The following PPFIA3 variants were observed in gnomAD, a reference collection of about 807,000 sequenced individuals.
The protein encoded by PPFIA3 is liprin-alpha-3.
Under a neutral mutation model 145.8 loss-of-function variants are expected in PPFIA3, and 26 were observed. That is an observed-to-expected ratio of 0.18 (90% CI 0.13 to 0.25). PPFIA3 has a LOEUF of 0.25. PPFIA3 is among the 10% of genes least tolerant of loss of function. The pLI, the probability that PPFIA3 is intolerant of heterozygous loss-of-function variation, is 1.00. For synonymous variants in PPFIA3, 645 were observed against 661.4 expected (o/e 0.98, Z 0.38); for missense variants, 1,008 against 1,587.8 (o/e 0.63, Z 6.21).
chr19:49,135,726 C>A lies in PPFIA3; in HGVS notation c.1521-53C>A. The A allele has an allele frequency of 3.2e-6, 5 of 1,545,322 alleles. No individual in the cohort carries two copies. The Admixed American group carries it at 9.1e-5, about 28-fold the overall frequency. Reference sequence around the variant, plus strand: ...AGGTCTGTCTCTGTGACCCTTACCTCTGTGCTCTTTTCCTGACCCCTTGGT... The same window carrying A: ...AGGTCTGTCTCTGTGACCCTTACCTATGTGCTCTTTTCCTGACCCCTTGGT... On this transcript the variant is annotated intron_variant, in intron 13 of 29. Coordinates refer to ENST00000334186, the MANE Select transcript of PPFIA3 (RefSeq NM_003660.4).
chr19:49,136,314 AGGCC>A (rs2041136609), intron 14 of PPFIA3, among the ~76,000 whole-genome samples: 1 of 152,012 alleles, frequency 6.6e-6, no homozygotes, highest in South Asian at 2.1e-4. Flanking sequence ...AGGAAGTTGG[AGGCC>A]GGGCAGGGTG....
At chr19:49,135,062 GAC>G in intron 13 of PPFIA3, 147 bp downstream of exon 13, 1 of 594,730 alleles carries the variant, frequency 1.7e-6, no homozygotes, top group Admixed American at 3.5e-5. Flanking sequence ...TTTGTTTTGA[GAC>G]AGAGTCTCAC....
chr19:49,148,944 C>T (rs750243855), intron 25 of PPFIA3, 49 bp from the exon 26 acceptor site: 2 of 1,600,686 alleles, frequency 1.2e-6, no homozygotes, highest in East Asian at 2.2e-5. Context: ...CTAAACTGAA[C>T]TCTCCAGGCC....
rs2041316636 is a variant in PPFIA3, at chr19:49,149,392, C to CG, written c.3354+71dup. 1.3e-6 allele frequency: 2 copies of CG among 1,598,012 alleles called. No homozygotes were observed. Among genetic ancestry groups the CG allele is most frequent in the African/African-American group, 2.7e-5 (2 of 74,476 alleles). ...TCCTCGAGAGGCTGAGCTGAGGGGGCGGGGCCTGACTATTAATGGTCACGG... is the reference window on the plus strand; with the variant it reads ...TCCTCGAGAGGCTGAGCTGAGGGGGCGGGGGCCTGACTATTAATGGTCACGG... On this transcript the variant is annotated intron_variant, in intron 27 of 29. Transcript: ENST00000334186. The surrounding 1 kb of genome is among the most constrained non-coding windows in gnomAD (Gnocchi z 5.7).
chr19:49,150,406 C>T lies in PPFIA3; in HGVS notation c.*184C>T, dbSNP rs2041334735. 7.2e-6 allele frequency: 3 copies of T among 419,304 alleles called. No individual in the cohort carries two copies. Among genetic ancestry groups the T allele is most frequent in the Non-Finnish European group, 1.3e-5 (3 of 231,584 alleles). The allele number at this position is 419,304 out of a possible 1,614,324, so 26.0% of individuals were successfully genotyped here. On this transcript the variant is annotated 3_prime_UTR_variant, in exon 30 of 30. Transcript: ENST00000334186. ...GCCTCGCACAGGGCCGGGGCCTGGA[C>T]CAAACCACATGAACTGGACTGAGAG...
At chr19:49,122,375 C>A (rs1045450269) in intron 1 of PPFIA3, among the ~76,000 whole-genome samples, 1 of 152,220 alleles carries the variant, frequency 6.6e-6, no homozygotes, top group African/African-American at 2.4e-5. Context: ...AGCCACTGTG[C>A]ACAGCCTTTG....
rs765171358 is a variant in PPFIA3 at position 49,130,461 on chromosome 19, C to T, written c.741C>T (p.Ala247=). The T allele has an allele frequency of 6.2e-7, 1 of 1,608,736 alleles. No homozygotes were observed. Among genetic ancestry groups the T allele is most frequent in the Admixed American group, 1.7e-5 (1 of 59,320 alleles). ...ELEEALERQR[A]EVCQLRERLA... is the part of the protein sequence containing the mutation. ...AGGAGGCCCTGGAGCGGCAGCGCGC[C>T]GAGGTGTGCCAGCTGCGGGAGCGCC... is the stretch of plus-strand genomic sequence containing the variant. Residue 247 remains alanine, a synonymous_variant, in exon 7 of 30, where the codon GCC becomes GCT. Coordinates refer to ENST00000334186, the MANE Select transcript of PPFIA3 (RefSeq NM_003660.4). This position sits in a 1 kb window ranked among gnomAD's most constrained non-coding sequence, Gnocchi z 4.5.
intron 7 of PPFIA3, among the ~76,000 whole-genome samples, chr19:49,132,763 A>G (rs1375646143): frequency 2.0e-5 from 3 of 152,130 alleles, no homozygotes; most frequent in African/African-American, 7.2e-5. Context: ...GATCCTCTGA[A>G]CCTGGAGGAT....
In PPFIA3 at chr19:49,128,940, G is replaced by A. The variant is rs773674031; in HGVS notation, c.435G>A (p.Gly145=). The change falls in exon 4 of 30, where the codon GGG becomes GGA. Residue 145 remains glycine (G), a synonymous_variant. Transcript: ENST00000334186. The surrounding 1 kb of genome is among the most constrained non-coding windows in gnomAD (Gnocchi z 4.1). The part of the protein sequence containing the change: ...VVKRQAQSPG[G]VSSEVEVLKA... ...AGCGCCAGGCCCAGTCCCCGGGTGG[G>A]GTCTCCTCGGAGGTAGAAGTGCTCA... 19 of 1,613,810 alleles carry A rather than the reference G, an allele frequency of 1.2e-5. No homozygotes were observed. The highest frequency in any genetic ancestry group is 1.6e-4 in the Middle Eastern group (1 of 6,084).
intron 1 of PPFIA3, among the ~76,000 whole-genome samples, chr19:49,123,499 G>C (rs2040961648): frequency 6.6e-6 from 1 of 151,350 alleles, no homozygotes; most frequent in African/African-American, 2.4e-5. Flanking sequence ...AGAGTGCAGT[G>C]ACGCAATCCC....
intron 1 of PPFIA3, among the ~76,000 whole-genome samples, chr19:49,126,136 G>T (rs1478118275): frequency 6.6e-6 from 1 of 151,446 alleles, no homozygotes; most frequent in Non-Finnish European, 1.5e-5. Context: ...TTTTAGTAGA[G>T]ATGGGGTTTC....
At position 49,128,577 on chromosome 19, in the gene PPFIA3, C is replaced by A; in HGVS notation, c.342+109C>A. On this transcript the variant is annotated intron_variant, in intron 3 of 29. Coordinates refer to ENST00000334186, the MANE Select transcript of PPFIA3 (RefSeq NM_003660.4). This position sits in a 1 kb window ranked among gnomAD's most constrained non-coding sequence, Gnocchi z 4.1. ...CGTGACCTATTTTTTTCCCCCATCTCGCCTTTCTGTCTTCTCCTCTTCCCT... is the reference window on the plus strand; with the variant it reads ...CGTGACCTATTTTTTTCCCCCATCTAGCCTTTCTGTCTTCTCCTCTTCCCT... The A allele has an allele frequency of 9.5e-7, 1 of 1,054,328 alleles. No individual in the cohort carries two copies. The highest frequency in any genetic ancestry group is 1.4e-5 in the South Asian group (1 of 69,452). The allele number at this position is 1,054,328 out of a possible 1,614,324, so 65.3% of individuals were successfully genotyped here.
Position 49,135,035 on chromosome 19 carries a change from T to TTTTGTTTG in PPFIA3, c.1520+136_1520+143dup, listed in dbSNP as rs4002361. On this transcript the variant is annotated intron_variant, in intron 13 of 29. Transcript: ENST00000334186. ...GACTTCTGACCCCTCTGTTTTTGTT[T>TTTTGTTTG]TTTGTTTGTTTGTTTGTTTGTTTTG... is the stretch of plus-strand genomic sequence containing the variant. 131 of 691,090 alleles carry TTTTGTTTG rather than the reference T, an allele frequency of 1.9e-4. No individual in the cohort carries two copies. The Middle Eastern group carries it at 2.6e-3, about 14-fold the overall frequency. The allele number at this position is 691,090 out of a possible 1,614,324, so 42.8% of individuals were successfully genotyped here.
At chr19:49,143,031 C>T in intron 21 of PPFIA3, 27 bp downstream of exon 21, 1 of 1,593,190 alleles carries the variant, frequency 6.3e-7, no homozygotes, top group Non-Finnish European at 8.5e-7. Context: ...CAATTCCAGC[C>T]TTCGCTTCCT....
chr19:49,131,630 C>T (rs2041073693), intron 7 of PPFIA3, among the ~76,000 whole-genome samples: 1 of 152,012 alleles, frequency 6.6e-6, no homozygotes, highest in Non-Finnish European at 1.5e-5. Flanking sequence ...CTAGGACTAG[C>T]CTGGGCAACA....
intron 1 of PPFIA3, 29 bp from the exon 2 acceptor site, chr19:49,127,830 G>A: frequency 1.3e-6 from 2 of 1,585,210 alleles, no homozygotes; most frequent in Non-Finnish European, 1.7e-6. Context: ...GACAAGGCCG[G>A]TCTGTTCCTT....
In PPFIA3 at chr19:49,150,397, G is replaced by A. The variant is rs1030934539; in HGVS notation, c.*175G>A. ...CGCGCGCCCGCCTCGCACAGGGCCGGGGCCTGGACCAAACCACATGAACTG... is the reference window on the plus strand; with the variant it reads ...CGCGCGCCCGCCTCGCACAGGGCCGAGGCCTGGACCAAACCACATGAACTG... On this transcript the variant is annotated 3_prime_UTR_variant, in exon 30 of 30. Transcript: ENST00000334186. The A allele has an allele frequency of 2.3e-6, 1 of 443,600 alleles. No individual in the cohort carries two copies. The highest frequency in any genetic ancestry group is 3.5e-5 in the South Asian group (1 of 28,268). 27.5% of individuals were successfully genotyped at this position (443,600 alleles called of 1,614,324 possible).
At chr19:49,136,051 T>C in intron 14 of PPFIA3, 128 bp downstream of exon 14, 1 of 1,112,078 alleles carries the variant, frequency 9.0e-7, no homozygotes, top group South Asian at 2.2e-5. Flanking sequence ...ACTCATCCAC[T>C]CACCCTTTCT....
intron 1 of PPFIA3, among the ~76,000 whole-genome samples, chr19:49,122,112 C>CTT: frequency 7.0e-6 from 1 of 142,924 alleles, no homozygotes; most frequent in African/African-American, 2.6e-5. Flanking sequence ...CGGAGTTTCA[C>CTT]TCTTGTTGCT....
Sources: allele counts gnomAD v4.1 joint callset (sites outside exome capture counted in the v4.1 genomes callset), GRCh38; gene constraint gnomAD v4.1.1; non-coding constraint Gnocchi (gnomAD v3.1); transcripts MANE v1.5; gene names NCBI Gene and HGNC (gene_info 2026-07-23, HGNC 2026-07-21).